Variants in DGKI observed in about 807,000 individuals in gnomAD.
The protein encoded by DGKI is DAG kinase iota.
A neutral mutation model predicts 147.5 loss-of-function variants in DGKI; 55 were observed. That is an observed-to-expected ratio of 0.37 (90% confidence interval 0.30 to 0.47). The LOEUF (loss-of-function observed/expected upper bound fraction) is 0.47, where lower values mean the gene tolerates loss of function less well. Among genes scored for constraint, DGKI ranks in the 20% least tolerant of loss-of-function variants. DGKI has a pLI of 1.00. For synonymous variants in DGKI, 469 were observed against 477.1 expected (o/e 0.98, Z 0.22); for missense variants, 1,007 against 1,323.8 (o/e 0.76, Z 3.71).
chr7:137,487,829 C>T, intron 21 of DGKI, 140 bp from the exon 22 acceptor site: 2 of 717,698 alleles, frequency 2.8e-6, no homozygotes, highest in South Asian at 1.9e-5. Context: ...GAAAGAAGTA[C>T]TTTCTCCCTA....
At chr7:137,552,226 T>A in intron 20 of DGKI, 143 bp downstream of exon 20, 1 of 750,932 alleles carries the variant, frequency 1.3e-6, no homozygotes, top group Non-Finnish European at 2.2e-6. Context: ...TATGTGTTCC[T>A]ATGAGAGAAA....
chr7:137,699,531 TA>T (rs924893849), intron 1 of DGKI, among the ~76,000 whole-genome samples: 2 of 152,232 alleles, frequency 1.3e-5, no homozygotes, highest in African/African-American at 4.8e-5. Flanking sequence ...CTGAATTTTA[TA>T]TCCAGGTCAA....
chr7:137,533,132 TTAAA>T (rs1186582787), intron 20 of DGKI, among the ~76,000 whole-genome samples: 1 of 151,898 alleles, frequency 6.6e-6, no homozygotes, highest in Non-Finnish European at 1.5e-5. Flanking sequence ...AAACTTTTTT[TTAAA>T]TAAATAAATA....
chr7:137,707,238 G>A (rs562683038), intron 1 of DGKI, among the ~76,000 whole-genome samples: 1 of 152,324 alleles, frequency 6.6e-6, no homozygotes, highest in Non-Finnish European at 1.5e-5. Flanking sequence ...CACCTATGCG[G>A]ATTCCTCTAG....
In DGKI at chr7:137,389,621, C is replaced by G. The variant is rs887329837; in HGVS notation, c.*1599G>C. Reference sequence around the variant, plus strand: ...CGCCAAAAGTAAAATCCTTGGACACCTACTTTTATTTTTGACTTACCCCCA... The same window carrying G: ...CGCCAAAAGTAAAATCCTTGGACACGTACTTTTATTTTTGACTTACCCCCA... On this transcript the variant is annotated 3_prime_UTR_variant, in exon 33 of 33. Transcript: ENST00000614521. 2 of 152,130 alleles carry G rather than the reference C, an allele frequency of 1.3e-5. No individual in the cohort carries two copies. The highest frequency in any genetic ancestry group is 2.9e-5 in the Non-Finnish European group (2 of 68,028). The allele number at this position is 152,130 out of a possible 1,614,324, so 9.4% of individuals were successfully genotyped here.
chr7:137,705,720 G>C (rs1015915605), intron 1 of DGKI, among the ~76,000 whole-genome samples: 13 of 151,904 alleles, frequency 8.6e-5, no homozygotes, highest in Non-Finnish European at 1.6e-4. Context: ...TTACAAAAAA[G>C]AAAAAGGCAT....
chr7:137,571,303 A>G lies in DGKI; in HGVS notation c.1836-17T>C. 1 of 1,566,626 alleles carries G rather than the reference A, an allele frequency of 6.4e-7. No homozygotes were observed. Among genetic ancestry groups the G allele is most frequent in the Non-Finnish European group, 8.8e-7 (1 of 1,140,274 alleles). The stretch of plus-strand genomic sequence containing the variant: ...GCACAATATCTGCAAGAGAAGATTA[A>G]AGACAGAAGTAAATATGTCCCATCC... On this transcript the variant is annotated splice_polypyrimidine_tract_variant and intron_variant, in intron 18 of 32. Transcript: ENST00000614521.
intron 27 of DGKI, among the ~76,000 whole-genome samples, chr7:137,459,629 C>T (rs1814348508): frequency 1.3e-5 from 2 of 151,874 alleles, no homozygotes; most frequent in South Asian, 2.1e-4. Context: ...CGCCCGCCAC[C>T]ACGCCCGGCT....
chr7:137,403,078 C>T (rs913964414), intron 30 of DGKI, among the ~76,000 whole-genome samples: 5 of 151,532 alleles, frequency 3.3e-5, no homozygotes, highest in Non-Finnish European at 5.9e-5. Context: ...GAGGGGCAAA[C>T]GAGGGGGGAG....
intron 8 of DGKI, 51 bp downstream of exon 8, chr7:137,619,773 A>G: frequency 1.5e-6 from 2 of 1,372,276 alleles, no homozygotes; most frequent in Non-Finnish European, 2.1e-6. Flanking sequence ...ACGAAGCAGC[A>G]GTTCATTTTT....
At chr7:137,618,511 C>G (rs984595901) in intron 8 of DGKI, among the ~76,000 whole-genome samples, 1 of 151,154 alleles carries the variant, frequency 6.6e-6, no homozygotes, top group Non-Finnish European at 1.5e-5. Context: ...GTAAGGATCA[C>G]GTATTTTATC....
intron 1 of DGKI, among the ~76,000 whole-genome samples, chr7:137,844,884 A>C (rs993328013): frequency 1.3e-5 from 2 of 152,188 alleles, no homozygotes; most frequent in African/African-American, 2.4e-5. Flanking sequence ...ACTGTGCTTC[A>C]TGTAATCACC....
chr7:137,688,529 G>A (rs989474152), intron 2 of DGKI, among the ~76,000 whole-genome samples: 5 of 152,112 alleles, frequency 3.3e-5, no homozygotes, highest in African/African-American at 4.8e-5. Context: ...ATGAATGTTC[G>A]CCTCTAAATG....
At chr7:137,420,085 T>C (rs1209479798) in intron 28 of DGKI, among the ~76,000 whole-genome samples, 1 of 152,178 alleles carries the variant, frequency 6.6e-6, no homozygotes, top group Non-Finnish European at 1.5e-5. Context: ...ATCAGACACA[T>C]GGCTAGTAAC....
At chr7:137,621,060 T>C (rs1048839863) in intron 7 of DGKI, among the ~76,000 whole-genome samples, 1 of 152,212 alleles carries the variant, frequency 6.6e-6, no homozygotes, top group Non-Finnish European at 1.5e-5. Flanking sequence ...CCTAATTACA[T>C]TACATAACAT....
chr7:137,846,866 C>T lies in DGKI; in HGVS notation c.-4G>A, dbSNP rs1348865110. The T allele has an allele frequency of 6.0e-6, 7 of 1,158,912 alleles. No individual in the cohort carries two copies. The highest frequency in any genetic ancestry group is 7.4e-6 in the Non-Finnish European group (7 of 940,116). The allele number at this position is 1,158,912 out of a possible 1,614,324, so 71.8% of individuals were successfully genotyped here. On this transcript the variant is annotated 5_prime_UTR_variant, in exon 1 of 33. Coordinates refer to ENST00000614521, the MANE Select transcript of DGKI (RefSeq NM_001321708.2). This position sits in a 1 kb window ranked among gnomAD's most constrained non-coding sequence, Gnocchi z 4.0. ...AGCCCCTTCCCGCAGCATCCATCCG[C>T]GGCTGCACCGCACCGGGGCATTGTG...
chr7:137,614,448 T>G (rs1344581905), intron 8 of DGKI, among the ~76,000 whole-genome samples: 1 of 152,158 alleles, frequency 6.6e-6, no homozygotes, highest in Non-Finnish European at 1.5e-5. Context: ...AACTTGCCTG[T>G]CCAATCAAAA....
At chr7:137,607,484 T>C (rs1307464165) in intron 10 of DGKI, among the ~76,000 whole-genome samples, 2 of 152,202 alleles carry the variant, frequency 1.3e-5, no homozygotes, top group Non-Finnish European at 2.9e-5. Context: ...ATGTCTTAAC[T>C]GGATCATCAG....
At chr7:137,622,042 C>A (rs1820766867) in intron 7 of DGKI, among the ~76,000 whole-genome samples, 1 of 152,068 alleles carries the variant, frequency 6.6e-6, no homozygotes. Context: ...CATTCTTGAA[C>A]AGAAGTGAAA....
Sources: allele counts gnomAD v4.1 joint callset (sites outside exome capture counted in the v4.1 genomes callset), GRCh38; gene constraint gnomAD v4.1.1; non-coding constraint Gnocchi (gnomAD v3.1); transcripts MANE v1.5; gene names NCBI Gene and HGNC (gene_info 2026-07-23, HGNC 2026-07-21).